SVEP1: variants seen among roughly 807,000 people sequenced by gnomAD.
SVEP1 encodes the protein sushi, von Willebrand factor type A, EGF and pentraxin domain-containing protein 1.
SVEP1 carries 164 observed loss-of-function variants against 367.3 expected under a neutral mutation model. The observed-to-expected ratio is 0.45, with a 90% confidence interval of 0.39 to 0.51. The LOEUF (loss-of-function observed/expected upper bound fraction) is 0.51, where lower values mean the gene tolerates loss of function less well. Among genes scored for constraint, SVEP1 ranks in the 20% least tolerant of loss-of-function variants. SVEP1 has a pLI of 0.00. For missense variants in SVEP1, 4,117 were observed against 4,425.3 expected, an observed-to-expected ratio of 0.93 and a Z score of 1.98; for synonymous variants, 1,666 against 1,611.6, an observed-to-expected ratio of 1.03 and a Z score of -0.81.
At position 110,377,302 on chromosome 9, in the gene SVEP1, TGGACA is replaced by T; in HGVS notation, c.10468_10472del (p.Cys3490ArgfsTer9). The T allele has an allele frequency of 6.2e-7, 1 of 1,613,792 alleles. No homozygotes were observed. The highest frequency in any genetic ancestry group is 8.5e-7 in the Non-Finnish European group (1 of 1,179,762). ...CACAGAGGCGCCCCATCCAGCCCTC[TGGACA>T]GGAACAAGCATTTGGGCGTTGGCAG... On this transcript the variant is annotated frameshift_variant, in exon 45 of 48. Transcript: ENST00000374469. LOFTEE classifies it high-confidence loss of function.
At chr9:110,531,708 T>C (rs1830020661) in intron 3 of SVEP1, among the ~76,000 whole-genome samples, 1 of 152,108 alleles carries the variant, frequency 6.6e-6, no homozygotes, top group Non-Finnish European at 1.5e-5. Flanking sequence ...ATGGTAGAAA[T>C]AGTTTGATTA....
At chr9:110,448,522 G>A (rs536339703) in intron 24 of SVEP1, among the ~76,000 whole-genome samples, 29 of 152,226 alleles carry the variant, frequency 1.9e-4, no homozygotes, top group African/African-American at 6.7e-4. Context: ...TGCATTTGAC[G>A]GTAAATCTAT....
intron 28 of SVEP1, 125 bp downstream of exon 28, chr9:110,436,255 T>A: frequency 8.1e-7 from 1 of 1,237,810 alleles, no homozygotes; most frequent in Admixed American, 2.2e-5. Context: ...CATCAAATGA[T>A]ACTGGTGATA....
intron 17 of SVEP1, 29 bp from the exon 18 acceptor site, chr9:110,466,055 A>G: frequency 6.3e-7 from 1 of 1,599,852 alleles, no homozygotes; most frequent in Non-Finnish European, 8.5e-7. Flanking sequence ...TATTACTATC[A>G]ATAATGATAT....
intron 21 of SVEP1, among the ~76,000 whole-genome samples, chr9:110,456,384 C>T (rs1289289917): frequency 2.0e-5 from 3 of 152,200 alleles, no homozygotes; most frequent in Non-Finnish European, 4.4e-5. Flanking sequence ...TCAACCACCA[C>T]TCATTTACAG....
intron 37 of SVEP1, among the ~76,000 whole-genome samples, 185 bp downstream of exon 37, chr9:110,410,858 CAGATGAATTAATTCATCAAG>C (rs1300245791): frequency 4.6e-5 from 7 of 152,042 alleles, no homozygotes; most frequent in South Asian, 2.1e-4. Context: ...CAACCTTAGG[CAGATGAATTAATTCATCAAG>C]AGATGAATTA....
At chr9:110,500,033 C>T (rs970332853) in intron 6 of SVEP1, among the ~76,000 whole-genome samples, 4 of 152,176 alleles carry the variant, frequency 2.6e-5, no homozygotes, top group African/African-American at 2.4e-5. Context: ...AAGAAGTATT[C>T]CAACTTACAA....
rs747522354 is a variant in SVEP1 at position 110,546,996 on chromosome 9, C to G, written c.788-705G>C. On this transcript the variant is annotated intron_variant, in intron 2 of 47. Transcript: ENST00000374469. ...TTTCAAGAAGTTTGAAAGTTTTAGA[C>G]TAAATTCCAATACTAGGTCCATGGG... Among the ~76,000 whole-genome samples the G allele has an allele frequency of 2.6e-5, 4 of 152,156 alleles. No individual in the cohort carries two copies. The South Asian group carries it at 8.3e-4, about 32-fold the overall frequency.
chr9:110,528,180 A>ATATATATATATATATG (rs1829970386), intron 3 of SVEP1, among the ~76,000 whole-genome samples: 1 of 138,042 alleles, frequency 7.2e-6, no homozygotes, highest in African/African-American at 2.7e-5. Context: ...ATATATATAT[A>ATATATATATATATATG]TATATATGCC....
intron 43 of SVEP1, among the ~76,000 whole-genome samples, chr9:110,382,405 T>C (rs925609360): frequency 6.6e-6 from 1 of 152,248 alleles, no homozygotes; most frequent in Admixed American, 6.5e-5. Flanking sequence ...CAATGTCTTC[T>C]GGCTTTTAGG....
In SVEP1 at chr9:110,432,098, T is replaced by TTTTTAC. The variant is rs1292055768; in HGVS notation, c.5234-70_5234-65dup. 9.2e-6 allele frequency: 14 copies of TTTTTAC among 1,517,134 alleles called. No individual in the cohort carries two copies. The East Asian group carries it at 2.7e-4, about 30-fold the overall frequency. 94.0% of individuals were successfully genotyped at this position (1,517,134 alleles called of 1,614,324 possible). ...CTTTTCCGTATGTATCAAACATCTG[T>TTTTTAC]TTTTACTTTTAAATCATTACATATC... On this transcript the variant is annotated intron_variant, in intron 31 of 47. Coordinates refer to ENST00000374469, the MANE Select transcript of SVEP1 (RefSeq NM_153366.4).
At chr9:110,528,179 T>TATATATATAC in intron 3 of SVEP1, among the ~76,000 whole-genome samples, 1 of 139,264 alleles carries the variant, frequency 7.2e-6, no homozygotes, top group African/African-American at 2.6e-5. Context: ...TATATATATA[T>TATATATATAC]ATATATATGC....
chr9:110,443,708 A>G lies in SVEP1; in HGVS notation c.4476T>C (p.Tyr1492=), dbSNP rs967916000. Reference sequence around the variant, plus strand: ...TTGTTATCTTTTCCCTGCCATTCACATAAAGAACCCAGCTGTAGAGAGAAA... The same window carrying G: ...TTGTTATCTTTTCCCTGCCATTCACGTAAAGAACCCAGCTGTAGAGAGAAA... ...LLTDYNGWVL[Y]VNGREKITNC... The change falls in exon 27 of 48, where the codon TAT becomes TAC. Residue 1492 remains tyrosine, a synonymous_variant. Transcript: ENST00000374469. 1.2e-6 allele frequency: 2 copies of G among 1,605,926 alleles called. No homozygotes were observed. The highest frequency in any genetic ancestry group is 1.7e-6 in the Non-Finnish European group (2 of 1,175,834).
chr9:110,462,700 A>G (rs1471979642), intron 18 of SVEP1, among the ~76,000 whole-genome samples: 3 of 151,738 alleles, frequency 2.0e-5, no homozygotes, highest in African/African-American at 7.3e-5. Flanking sequence ...CCCTCTTTTC[A>G]CCTCCTCTAT....
chr9:110,397,691 A>G (rs1175089654), intron 40 of SVEP1, among the ~76,000 whole-genome samples: 2 of 152,176 alleles, frequency 1.3e-5, no homozygotes, highest in Non-Finnish European at 2.9e-5. Context: ...GCATTCTTAT[A>G]CACCAATAAG....
chr9:110,397,188 C>T (rs534387227), intron 40 of SVEP1, among the ~76,000 whole-genome samples: 10 of 152,164 alleles, frequency 6.6e-5, no homozygotes, highest in East Asian at 5.8e-4. Context: ...GCTGGTTCAA[C>T]ATACACAAAT....
chr9:110,459,985 GC>G (rs1418194673), intron 18 of SVEP1, among the ~76,000 whole-genome samples: 1 of 151,930 alleles, frequency 6.6e-6, no homozygotes, highest in African/African-American at 2.4e-5. Context: ...GCCAGTTTGT[GC>G]TTTGCCTGTT....
intron 46 of SVEP1, among the ~76,000 whole-genome samples, chr9:110,371,337 C>A (rs2148875): frequency 2.4e-4 from 36 of 152,296 alleles, no homozygotes; most frequent in Middle Eastern, 6.8e-3. Context: ...ACATTTACTT[C>A]CTTGTCTAAA....
chr9:110,418,752 A>T (rs1171885152), intron 36 of SVEP1, among the ~76,000 whole-genome samples: 1 of 79,358 alleles, frequency 1.3e-5, no homozygotes, highest in Non-Finnish European at 2.7e-5. Flanking sequence ...AGCCCATCAG[A>T]CTAACAGCGG....
Sources: allele counts gnomAD v4.1 joint callset (sites outside exome capture counted in the v4.1 genomes callset), GRCh38; gene constraint gnomAD v4.1.1; transcripts MANE v1.5; gene names NCBI Gene and HGNC (gene_info 2026-07-23, HGNC 2026-07-21).